OR2L13: variants seen among roughly 807,000 people sequenced by gnomAD.
OR2L13 encodes olfactory receptor family 2 subfamily L member 13.
In OR2L13, 14 loss-of-function variants were observed where a neutral mutation model predicts 15.3. The ratio of observed to expected loss-of-function variants is 0.91; its 90% confidence interval spans 0.60 to 1.43. The LOEUF (loss-of-function observed/expected upper bound fraction) is 1.43. OR2L13 is among the 40% of genes most tolerant of loss of function. The pLI is 0.00. For missense variants in OR2L13, 367 were observed against 387.9 expected (o/e 0.95, Z 0.45); for synonymous variants, 152 against 142.9 (o/e 1.06, Z -0.45).
At chr1:247,976,178 T>G in the OR2L13 span, among the ~76,000 whole-genome samples, 1 of 152,162 alleles carries the variant, frequency 6.6e-6, no homozygotes, top group African/African-American at 2.4e-5. Context: ...AAGAGTTTCT[T>G]TACAAGAGAT....
the OR2L13 span, among the ~76,000 whole-genome samples, chr1:248,048,908 T>C: frequency 6.8e-6 from 1 of 146,160 alleles, no homozygotes; most frequent in Non-Finnish European, 1.5e-5. Context: ...GCTTTTTCTT[T>C]CCTTTTCTCT....
At chr1:247,975,944 C>T in the OR2L13 span, among the ~76,000 whole-genome samples, 1 of 151,968 alleles carries the variant, frequency 6.6e-6, no homozygotes, top group Non-Finnish European at 1.5e-5. Flanking sequence ...CTAATCATAG[C>T]ATTCAGCATA....
chr1:248,084,843 A>G, the OR2L13 span, among the ~76,000 whole-genome samples: 1 of 152,106 alleles, frequency 6.6e-6, no homozygotes, highest in African/African-American at 2.4e-5. Flanking sequence ...CCACAAACAC[A>G]CAGTAACACT....
chr1:248,022,985 A>G, the OR2L13 span: 4 of 1,096,338 alleles, frequency 3.6e-6, no homozygotes, highest in Non-Finnish European at 5.2e-6. Context: ...TATGTCAAAC[A>G]GAGATTAATC....
the OR2L13 span, among the ~76,000 whole-genome samples, chr1:248,002,000 T>C: frequency 6.6e-6 from 1 of 152,204 alleles, no homozygotes; most frequent in African/African-American, 2.4e-5. Flanking sequence ...TTACCAATAA[T>C]TAACCAATAA....
At chr1:248,061,179 T>C in the OR2L13 span, 204 of 1,612,930 alleles carry the variant, frequency 1.3e-4, no homozygotes, top group Non-Finnish European at 2.8e-5. Context: ...TCCATATTCC[T>C]TATTGCCAAT....
chr1:248,061,518 C>G, the OR2L13 span: 44 of 1,613,754 alleles, frequency 2.7e-5, 1 homozygote, highest in South Asian at 4.5e-4. Flanking sequence ...TCTACACCAC[C>G]CTCACTCCAA....
chr1:248,036,311 ATTATTGTATC>A, the OR2L13 span, among the ~76,000 whole-genome samples: 2 of 152,008 alleles, frequency 1.3e-5, no homozygotes, highest in Admixed American at 1.3e-4. Context: ...TGCGGTATCA[ATTATTGTATC>A]TTTAATTTCA....
At chr1:248,039,161 G>A in the OR2L13 span, 1 of 1,612,844 alleles carries the variant, frequency 6.2e-7, no homozygotes, top group Admixed American at 1.7e-5. Context: ...AGGTGATGGG[G>A]GCCCTGACAC....
the OR2L13 span, chr1:248,021,935 G>T: frequency 3.8e-6 from 6 of 1,599,480 alleles, no homozygotes; most frequent in Non-Finnish European, 5.1e-6. Context: ...AGGAAGGATC[G>T]TATGAATGCC....
At chr1:247,938,022 A>T in the OR2L13 span, among the ~76,000 whole-genome samples, 1 of 152,144 alleles carries the variant, frequency 6.6e-6, no homozygotes, top group Non-Finnish European at 1.5e-5. Flanking sequence ...TAAAAAGAAC[A>T]GTGTGGCAAT....
chr1:247,967,513 G>A, the OR2L13 span, among the ~76,000 whole-genome samples: 1 of 152,152 alleles, frequency 6.6e-6, no homozygotes, highest in Admixed American at 6.5e-5. Flanking sequence ...ACAGGCATGA[G>A]CCACTGCGCC....
the OR2L13 span, chr1:247,991,287 A>G: frequency 1.2e-6 from 1 of 820,798 alleles, no homozygotes; most frequent in Non-Finnish European, 1.9e-6. Context: ...ATATTATTAC[A>G]TGCCCAGTAT....
chr1:247,968,446 C>T, the OR2L13 span, among the ~76,000 whole-genome samples: 12 of 151,968 alleles, frequency 7.9e-5, no homozygotes, highest in South Asian at 2.1e-4. Flanking sequence ...CTGCACCCAT[C>T]AACTTGTCAT....
the OR2L13 span, among the ~76,000 whole-genome samples, chr1:248,049,052 T>C: frequency 5.3e-5 from 8 of 151,818 alleles, no homozygotes; most frequent in African/African-American, 1.5e-4. Flanking sequence ...TGATCAAAGG[T>C]GAGGAAAATA....
the OR2L13 span, chr1:247,966,058 A>G: frequency 6.2e-7 from 1 of 1,614,164 alleles, no homozygotes; most frequent in Non-Finnish European, 8.5e-7. Context: ...GGTATTCCAG[A>G]TGAGCTCAGG....
chr1:247,951,759 C>T, the OR2L13 span, among the ~76,000 whole-genome samples: 2 of 152,148 alleles, frequency 1.3e-5, no homozygotes, highest in Admixed American at 6.6e-5. Context: ...ATACAACAGG[C>T]GTGGGCTCTG....
chr1:248,094,300 T>C (rs1172836494), upstream of OR2L13, among the ~76,000 whole-genome samples: 1 of 152,156 alleles, frequency 6.6e-6, no homozygotes, highest in African/African-American at 2.4e-5. Context: ...ATATAGCAGT[T>C]AGTGCCTTCA....
the OR2L13 span, among the ~76,000 whole-genome samples, chr1:248,010,843 G>A: frequency 8.7e-6 from 1 of 115,120 alleles, no homozygotes; most frequent in African/African-American, 3.4e-5. Context: ...GTCTATGTGT[G>A]TCTTTGCATG....
Sources: gnomAD v4.1 joint callset for allele counts (sites outside exome capture counted in the v4.1 genomes callset) on GRCh38, gnomAD v4.1.1 for gene constraint, MANE v1.5 for transcripts, NCBI Gene and HGNC (gene_info 2026-07-23, HGNC 2026-07-21) for gene names.